Variants in RGS7BP observed in about 807,000 individuals in gnomAD.
RGS7BP encodes the protein regulator of G protein signaling 7-binding protein.
RGS7BP carries 9 observed loss-of-function variants against 31.3 expected under a neutral mutation model. The observed-to-expected ratio is 0.29, with a 90% CI of 0.17 to 0.50. RGS7BP has a LOEUF of 0.50. Ranked by LOEUF, RGS7BP falls within the 20% of genes least tolerant of loss-of-function variation. RGS7BP has a pLI of 0.98. For missense variants in RGS7BP, 274 were observed against 322.0 expected, an observed-to-expected ratio of 0.85 and a Z score of 1.14; for synonymous variants, 115 against 120.1, an observed-to-expected ratio of 0.96 and a Z score of 0.28.
At chr5:64,579,402 G>T (rs1488739565) in intron 3 of RGS7BP, among the ~76,000 whole-genome samples, 3 of 151,642 alleles carry the variant, frequency 2.0e-5, no homozygotes, top group South Asian at 2.1e-4. Context: ...AAATTAGCTG[G>T]GTGTGGTGGC....
chr5:64,516,349 T>C (rs1022514163), intron 2 of RGS7BP, among the ~76,000 whole-genome samples: 1 of 152,152 alleles, frequency 6.6e-6, no homozygotes, highest in African/African-American at 2.4e-5. Flanking sequence ...TGCTTTATCT[T>C]TTTCAGTGTC....
intron 2 of RGS7BP, among the ~76,000 whole-genome samples, chr5:64,569,065 CA>C (rs927285758): frequency 1.3e-5 from 2 of 152,100 alleles, no homozygotes; most frequent in Admixed American, 1.3e-4. Flanking sequence ...AAGAAAATTC[CA>C]TTGCACTTCA....
At chr5:64,507,227 T>A (rs1033835762) in intron 1 of RGS7BP, among the ~76,000 whole-genome samples, 9 of 152,308 alleles carry the variant, frequency 5.9e-5, no homozygotes, top group African/African-American at 2.2e-4. Flanking sequence ...GGTCTTCCCG[T>A]CAGGCCGTCA....
rs938997089 is a variant in RGS7BP, at chr5:64,506,583, G to T, written c.-42G>T. The T allele has an allele frequency of 6.5e-7, 1 of 1,544,086 alleles. No individual in the cohort carries two copies. The highest frequency in any genetic ancestry group is 2.3e-5 in the East Asian group (1 of 43,384). ...GCAACAACCGGGCCGCCCGCGCCGGGGCGCACTGCACCAGCGGCTTCGGCT... is the reference window on the plus strand; with the variant it reads ...GCAACAACCGGGCCGCCCGCGCCGGTGCGCACTGCACCAGCGGCTTCGGCT... On this transcript the variant is annotated 5_prime_UTR_variant, in exon 1 of 6. Transcript: ENST00000334025. This position sits in a 1 kb window ranked among gnomAD's most constrained non-coding sequence, Gnocchi z 4.6.
rs965084745 is a variant in RGS7BP at position 64,569,100 on chromosome 5, C to G, written c.333-6674C>G. On this transcript the variant is annotated intron_variant, in intron 2 of 5. Coordinates refer to ENST00000334025, the MANE Select transcript of RGS7BP (RefSeq NM_001029875.3). ...CAGGTTCCCCTTTACTTTCAAAAGT[C>G]AAGTTTTATTTCTGACTGAACCTGA... 4.6e-5 allele frequency among the ~76,000 whole-genome samples: 7 copies of G among 152,122 alleles called. No homozygotes were observed. The South Asian group carries it at 8.3e-4, about 18-fold the overall frequency.
chr5:64,531,380 A>G (rs1419199547), intron 2 of RGS7BP, among the ~76,000 whole-genome samples: 4 of 152,198 alleles, frequency 2.6e-5, no homozygotes, highest in Admixed American at 1.3e-4. Flanking sequence ...GGTAAATAAC[A>G]GAGTCATTGG....
rs115420568 is a variant in RGS7BP at position 64,538,726 on chromosome 5, T to C, written c.332+30849T>C. Among the ~76,000 whole-genome samples, 531 of 151,964 alleles carry C rather than the reference T, an allele frequency of 3.5e-3. 6 individuals are homozygous for C. The highest frequency in any genetic ancestry group is 0.011 in the African/African-American group (458 of 41,460). ...CACCCGCACCATGCCCAGCTAATTTTTGCATTGTTAGCAGAGATGAGGTTT... is the reference window on the plus strand; with the variant it reads ...CACCCGCACCATGCCCAGCTAATTTCTGCATTGTTAGCAGAGATGAGGTTT... On this transcript the variant is annotated intron_variant, in intron 2 of 5. Coordinates refer to ENST00000334025, the MANE Select transcript of RGS7BP (RefSeq NM_001029875.3).
intron 2 of RGS7BP, among the ~76,000 whole-genome samples, chr5:64,534,014 T>A (rs1391603623): frequency 6.6e-6 from 1 of 152,016 alleles, no homozygotes; most frequent in Non-Finnish European, 1.5e-5. Context: ...ATAAGGACAG[T>A]AATAGAAAAA....
intron 4 of RGS7BP, among the ~76,000 whole-genome samples, chr5:64,596,004 G>A (rs1743055347): frequency 6.6e-6 from 1 of 152,138 alleles, no homozygotes; most frequent in Non-Finnish European, 1.5e-5. Flanking sequence ...AAATGATGAG[G>A]GAGTGATTTA....
At chr5:64,605,884 A>G (rs1325626603) in intron 5 of RGS7BP, among the ~76,000 whole-genome samples, 1 of 149,438 alleles carries the variant, frequency 6.7e-6, no homozygotes, top group Non-Finnish European at 1.5e-5. Context: ...CATAATGTGT[A>G]TATATATGCT....
intron 3 of RGS7BP, among the ~76,000 whole-genome samples, chr5:64,583,380 C>T (rs891497659): frequency 6.6e-6 from 1 of 152,012 alleles, no homozygotes; most frequent in Non-Finnish European, 1.5e-5. Context: ...CAGAGCAAGA[C>T]TCCATCTCCC....
intron 3 of RGS7BP, among the ~76,000 whole-genome samples, chr5:64,577,250 A>G (rs1172045447): frequency 6.6e-6 from 1 of 152,064 alleles, no homozygotes; most frequent in African/African-American, 2.4e-5. Context: ...CATCCTGGCT[A>G]ACACGGTGAA....
chr5:64,528,489 C>A (rs1384719680), intron 2 of RGS7BP, among the ~76,000 whole-genome samples: 1 of 152,032 alleles, frequency 6.6e-6, no homozygotes, highest in African/African-American at 2.4e-5. Flanking sequence ...GAGAATTATC[C>A]CCTGTGAGCC....
intron 5 of RGS7BP, among the ~76,000 whole-genome samples, chr5:64,608,669 ACT>A (rs1386155889): frequency 6.6e-6 from 1 of 151,858 alleles, no homozygotes; most frequent in Non-Finnish European, 1.5e-5. Flanking sequence ...GTTTTATTAA[ACT>A]CTATTTTACA....
chr5:64,609,197 T>C lies in RGS7BP; in HGVS notation c.719T>C (p.Leu240Pro), dbSNP rs756030467. The C allele has an allele frequency of 1.9e-6, 3 of 1,611,548 alleles. No individual in the cohort carries two copies. The highest frequency in any genetic ancestry group is 1.3e-5 in the African/African-American group (1 of 74,760). The change falls in exon 6 of 6, where the codon CTG (leucine) becomes CCG (proline). Residue 240 changes from leucine (L) to proline (P), a missense_variant. This residue lies in a region of RGS7BP where 112 missense variants were observed against 130.9 expected (regional missense o/e 0.86). Transcript: ENST00000334025. ...CTTCTGAATCTAACTCCCTACCCCC[T>C]GGTGAGAAGACGGAAGAGAAGGTTC... ...SSLLNLTPYPLVRRRKRRFFG... is the reference protein window; with the variant it reads ...SSLLNLTPYPPVRRRKRRFFG...
At chr5:64,532,554 C>A (rs1271748385) in intron 2 of RGS7BP, among the ~76,000 whole-genome samples, 1 of 152,056 alleles carries the variant, frequency 6.6e-6, no homozygotes, top group African/African-American at 2.4e-5. Context: ...ATTTGGAAAG[C>A]CATTTCCTTT....
intron 3 of RGS7BP, among the ~76,000 whole-genome samples, chr5:64,584,019 C>T (rs1474193785): frequency 2.6e-5 from 4 of 152,178 alleles, no homozygotes; most frequent in African/African-American, 9.7e-5. Context: ...ACTCAAAGCT[C>T]AATGAGGTAA....
chr5:64,551,889 T>C (rs1741804137), intron 2 of RGS7BP, among the ~76,000 whole-genome samples: 1 of 152,196 alleles, frequency 6.6e-6, no homozygotes, highest in African/African-American at 2.4e-5. Context: ...GGTTCATATA[T>C]AGTTTCTTCT....
At chr5:64,527,606 T>TAAAAAAAAAAAAAAAAAA (rs59081277) in intron 2 of RGS7BP, among the ~76,000 whole-genome samples, 3 of 86,464 alleles carry the variant, frequency 3.5e-5, no homozygotes, top group Non-Finnish European at 6.8e-5. Context: ...CTTATAACAG[T>TAAAAAAAAAAAAAAAAAA]AAAAAAAAAA....
Sources: allele counts gnomAD v4.1 joint callset (sites outside exome capture counted in the v4.1 genomes callset), GRCh38; gene constraint gnomAD v4.1.1; regional missense constraint gnomAD v4.1.1; non-coding constraint Gnocchi (gnomAD v3.1); transcripts MANE v1.5; gene names NCBI Gene and HGNC (gene_info 2026-07-23, HGNC 2026-07-21).